Variants in TCAF1 observed in about 807,000 individuals in gnomAD.
TCAF1 encodes the protein TRPM8 channel associated factor 1.
A neutral mutation model predicts 27.3 loss-of-function variants in TCAF1; 4 were observed. That is an observed-to-expected ratio of 0.15 (90% CI 0.07 to 0.34). The LOEUF is 0.34. Among genes scored for constraint, TCAF1 ranks in the 10% least tolerant of loss-of-function variants. TCAF1 has a pLI of 1.00. For synonymous variants in TCAF1, 105 were observed against 167.1 expected (o/e 0.63, Z 2.87); for missense variants, 257 against 425.8 (o/e 0.60, Z 3.49).
At chr7:143,882,995 G>A in intron 1 of TCAF1, 1 of 510,712 alleles carries the variant, frequency 2.0e-6, no homozygotes. Context: ...CGCCGGCCCT[G>A]GTGGCTTGGC....
At chr7:143,883,204 T>C (rs1813176033) in intron 1 of TCAF1, among the ~76,000 whole-genome samples, 1 of 152,186 alleles carries the variant, frequency 6.6e-6, no homozygotes, top group Non-Finnish European at 1.5e-5. Context: ...CCGTGATATA[T>C]TGCCAAGGGG....
chr7:143,876,692 A>G, intron 1 of TCAF1, 70 bp from the exon 2 acceptor site: 1 of 1,232,698 alleles, frequency 8.1e-7, no homozygotes, highest in Non-Finnish European at 1.1e-6. Context: ...AGAGCAGTTC[A>G]CTCTTCCAGT....
At chr7:143,879,586 TAAG>T (rs750280808) in intron 1 of TCAF1, among the ~76,000 whole-genome samples, 2 of 152,176 alleles carry the variant, frequency 1.3e-5, no homozygotes, top group Non-Finnish European at 2.9e-5. Flanking sequence ...CTTACAGAAC[TAAG>T]AAGGGCAGTA....
At chr7:143,885,261 C>T in intron 1 of TCAF1, 1 of 985,568 alleles carries the variant, frequency 1.0e-6, no homozygotes, top group South Asian at 4.7e-5. Flanking sequence ...GGGAGTCTTC[C>T]ACAGAGATGT....
intron 6 of TCAF1, among the ~76,000 whole-genome samples, 181 bp downstream of exon 6, chr7:143,860,024 ATAT>A (rs1811918917): frequency 1.3e-5 from 1 of 75,082 alleles, no homozygotes; most frequent in Non-Finnish European, 2.4e-5. Flanking sequence ...TATATATTAT[ATAT>A]TATATATATA....
intron 1 of TCAF1, chr7:143,882,898 C>T: frequency 1.0e-6 from 1 of 979,800 alleles, no homozygotes; most frequent in Non-Finnish European, 1.2e-6. Flanking sequence ...GGGGTTTCCA[C>T]GGGAGTCCCC....
At position 143,881,860 on chromosome 7, in the gene TCAF1, C is replaced by T. The variant is rs188580396; in HGVS notation, c.-14-5238G>A. ...ATTCTCTCACTTCTCTCCTAGGTCA[C>T]TCAAGAGGATGACATAATTGAGGAG... On this transcript the variant is annotated intron_variant, in intron 1 of 8. Coordinates refer to ENST00000479870, the MANE Select transcript of TCAF1 (RefSeq NM_014719.3). The T allele has an allele frequency of 1.4e-4, 21 of 152,310 alleles. No individual in the cohort carries two copies. The East Asian group carries it at 4.1e-3, about 30-fold the overall frequency. The allele number at this position is 152,310 out of a possible 1,614,324, so 9.4% of individuals were successfully genotyped here. A position where few individuals can be genotyped will look rare whatever the true frequency, so the allele number is the denominator to read the frequency against.
intron 1 of TCAF1, among the ~76,000 whole-genome samples, chr7:143,896,481 C>G (rs1304054256): frequency 6.6e-6 from 1 of 152,012 alleles, no homozygotes; most frequent in Non-Finnish European, 1.5e-5. Context: ...ATAATTAAAA[C>G]AGTTGATACA....
intron 1 of TCAF1, chr7:143,882,598 A>G: frequency 1.0e-6 from 1 of 985,566 alleles, no homozygotes; most frequent in Non-Finnish European, 1.2e-6. Context: ...CGGCACACCC[A>G]GACCCACGGC....
chr7:143,860,029 AT>A lies in TCAF1; in HGVS notation c.2167+178del, dbSNP rs1485700909. Reference sequence around the variant, plus strand: ...ATATATATAATATATATTATATATTATATATATAATATATAATATATATTAT... The same window carrying A: ...ATATATATAATATATATTATATATTAATATATAATATATAATATATATTAT... On this transcript the variant is annotated intron_variant, in intron 6 of 8. Transcript: ENST00000479870. Among the ~76,000 whole-genome samples the A allele has an allele frequency of 1.7e-3, 8 of 4,752 alleles. 1 individual carries two copies. The highest frequency in any genetic ancestry group is 0.022 in the South Asian group (1 of 46). 3.1% of individuals were successfully genotyped at this position (4,752 alleles called of 152,430 possible). A position where few individuals can be genotyped will look rare whatever the true frequency, so the allele number is the denominator to read the frequency against.
At position 143,876,262 on chromosome 7, in the gene TCAF1, G is replaced by A. The variant is rs1332350635; in HGVS notation, c.347C>T (p.Pro116Leu). 2 of 1,614,198 alleles carry A rather than the reference G, an allele frequency of 1.2e-6. No individual in the cohort carries two copies. Among genetic ancestry groups the A allele is most frequent in the East Asian group, 4.5e-5 (2 of 44,884 alleles). ...EGSGVDAKVE[P>L]EVKDSLGVYC... ...AACCCCCAGGGAGTCTTTCACTTCT[G>A]GCTCAACCTTTGCATCCACTCCAGA... Residue 116 changes from proline to leucine, a missense_variant, in exon 2 of 9, where the codon CCA becomes CTA. This residue lies in a region of TCAF1 where 255 missense variants were observed against 260.1 expected (regional missense o/e 0.98). Transcript: ENST00000479870.
chr7:143,866,441 G>GGCGTGGT (rs1447561243), intron 2 of TCAF1, among the ~76,000 whole-genome samples: 259 of 119,494 alleles, frequency 2.2e-3, no homozygotes, highest in African/African-American at 7.3e-3. Context: ...AAATTAGCCA[G>GGCGTGGT]GCGTGGTGGT....
chr7:143,885,445 C>T, intron 1 of TCAF1: 1 of 985,462 alleles, frequency 1.0e-6, no homozygotes. Context: ...CCCCGGACCG[C>T]AGAGGCCCGG....
chr7:143,890,789 G>A (rs1034589898), intron 1 of TCAF1, among the ~76,000 whole-genome samples: 11 of 152,202 alleles, frequency 7.2e-5, no homozygotes, highest in Non-Finnish European at 1.6e-4. Flanking sequence ...AACCAGACAA[G>A]TTAATCTAAA....
At chr7:143,889,801 C>G (rs961549730) in intron 1 of TCAF1, among the ~76,000 whole-genome samples, 2 of 152,184 alleles carry the variant, frequency 1.3e-5, no homozygotes, top group South Asian at 4.1e-4. Flanking sequence ...ATAGCTTTAG[C>G]AGGAAAACAC....
At chr7:143,882,469 T>A in intron 1 of TCAF1, 1 of 985,122 alleles carries the variant, frequency 1.0e-6, no homozygotes. Flanking sequence ...ACATCAGATG[T>A]CAGAACCTGG....
chr7:143,896,548 A>G (rs1234644356), intron 1 of TCAF1, among the ~76,000 whole-genome samples: 1 of 152,094 alleles, frequency 6.6e-6, no homozygotes, highest in Non-Finnish European at 1.5e-5. Context: ...AAGAAAACTT[A>G]CTGGGTTTTA....
chr7:143,876,325 T>A lies in TCAF1; in HGVS notation c.284A>T (p.His95Leu). The A allele has an allele frequency of 6.2e-7, 1 of 1,614,122 alleles. No individual in the cohort carries two copies. The highest frequency in any genetic ancestry group is 1.1e-5 in the South Asian group (1 of 91,080). Residue 95 changes from histidine (H) to leucine (L), a missense_variant, in exon 2 of 9, where the codon CAC (histidine) becomes CTC (leucine). Physicochemically the swap from His to Leu is moderately conservative, Grantham distance 99. Coordinates refer to ENST00000479870, the MANE Select transcript of TCAF1 (RefSeq NM_014719.3). ...CSSPGAPIGV[H>L]PSLAPLAKIL... Reference sequence around the variant, plus strand: ...TTTGGCCAAAGGTGCCAGGGATGGGTGTACACCAATGGGAGCCCCAGGGGA... The same window carrying A: ...TTTGGCCAAAGGTGCCAGGGATGGGAGTACACCAATGGGAGCCCCAGGGGA...
At chr7:143,889,402 T>C (rs1185758949) in intron 1 of TCAF1, among the ~76,000 whole-genome samples, 1 of 152,200 alleles carries the variant, frequency 6.6e-6, no homozygotes, top group Non-Finnish European at 1.5e-5. Flanking sequence ...ACATCTCAAT[T>C]GGTTCAGCTT....
Sources: allele counts gnomAD v4.1 joint callset (sites outside exome capture counted in the v4.1 genomes callset), GRCh38; gene constraint gnomAD v4.1.1; regional missense constraint gnomAD v4.1.1; transcripts MANE v1.5; gene names NCBI Gene and HGNC (gene_info 2026-07-23, HGNC 2026-07-21).